MAD1L1: variants seen among roughly 807,000 people sequenced by gnomAD.
The protein encoded by MAD1L1 is mitotic spindle assembly checkpoint protein MAD1.
In MAD1L1, 95 loss-of-function variants were observed where a neutral mutation model predicts 96.9. The observed-to-expected ratio is 0.98, with a 90% confidence interval of 0.83 to 1.16. The LOEUF (loss-of-function observed/expected upper bound fraction) is 1.16, where lower values mean the gene tolerates loss of function less well. MAD1L1 is among the 50% of genes most tolerant of loss of function. The pLI is 0.00. For synonymous variants in MAD1L1, 473 were observed against 396.6 expected, an observed-to-expected ratio of 1.19 and a Z score of -2.29; for missense variants, 1,007 against 954.4, an observed-to-expected ratio of 1.06 and a Z score of -0.73.
chr7:1,907,039 C>T (rs899416363), intron 17 of MAD1L1, among the ~76,000 whole-genome samples: 1 of 152,164 alleles, frequency 6.6e-6, no homozygotes, highest in Admixed American at 6.5e-5. Context: ...AGCCCCCAAC[C>T]CCATCCCTGC....
At chr7:2,095,951 G>C (rs1357941737) in intron 11 of MAD1L1, among the ~76,000 whole-genome samples, 1 of 152,252 alleles carries the variant, frequency 6.6e-6, no homozygotes, top group African/African-American at 2.4e-5. Context: ...AGGAGAGCGC[G>C]GGTCCGCGGG....
intron 10 of MAD1L1, among the ~76,000 whole-genome samples, chr7:2,163,743 G>A (rs1790279824): frequency 6.6e-6 from 1 of 152,120 alleles, no homozygotes; most frequent in Non-Finnish European, 1.5e-5. Flanking sequence ...ACTCTCCTAG[G>A]CAAGCCTGGG....
intron 15 of MAD1L1, among the ~76,000 whole-genome samples, chr7:1,978,114 A>G (rs746740085): frequency 6.6e-6 from 1 of 152,152 alleles, no homozygotes; most frequent in African/African-American, 2.4e-5. Context: ...CTCCATGATG[A>G]CAAGGTGTGG....
chr7:1,942,099 C>T (rs151173857), intron 16 of MAD1L1, among the ~76,000 whole-genome samples: 8 of 152,296 alleles, frequency 5.3e-5, no homozygotes, highest in Admixed American at 5.2e-4. Flanking sequence ...TTCCCTTAGT[C>T]CATCCACCCG....
rs188183852 is a variant in MAD1L1, at chr7:2,060,279, A to C, written c.1218+8915T>G. 9.7e-4 allele frequency among the ~76,000 whole-genome samples: 92 copies of C among 95,136 alleles called. No homozygotes were observed. In the East Asian group the frequency reaches 0.02, roughly 20 times the overall value. The allele number at this position is 95,136 out of a possible 152,430, so 62.4% of individuals were successfully genotyped here. ...GATGCCGAGATACGCCGATGCCGAGATACGCCGATCCCGAGATACGCCGAT... is the reference window on the plus strand; with the variant it reads ...GATGCCGAGATACGCCGATGCCGAGCTACGCCGATCCCGAGATACGCCGAT... On this transcript the variant is annotated intron_variant, in intron 12 of 18. Transcript: ENST00000265854.
chr7:1,952,695 C>A (rs968750628), intron 16 of MAD1L1, among the ~76,000 whole-genome samples: 14 of 152,200 alleles, frequency 9.2e-5, no homozygotes, highest in Non-Finnish European at 2.1e-4. Context: ...AAAAGTCCAA[C>A]CCCCTTGCCT....
At chr7:1,959,387 A>T (rs946869551) in intron 15 of MAD1L1, among the ~76,000 whole-genome samples, 1 of 152,226 alleles carries the variant, frequency 6.6e-6, no homozygotes, top group Non-Finnish European at 1.5e-5. Flanking sequence ...AGGCAGAGGA[A>T]GCGACGGGAC....
At chr7:1,942,012 C>T (rs1779024374) in intron 16 of MAD1L1, among the ~76,000 whole-genome samples, 2 of 152,196 alleles carry the variant, frequency 1.3e-5, no homozygotes. Flanking sequence ...GGGCACCACC[C>T]ACCCGCTCAC....
In MAD1L1 at chr7:2,215,746, A is replaced by G. The variant is rs546685838; in HGVS notation, c.924+139T>C. 9.6e-5 allele frequency: 71 copies of G among 741,502 alleles called. No homozygotes were observed. The Middle Eastern group carries it at 2.0e-3, about 21-fold the overall frequency. The allele number at this position is 741,502 out of a possible 1,614,324, so 45.9% of individuals were successfully genotyped here. ...GGATGAGGCATGGACCTCTCTGGGGACCACGATTCTGCCTCCCACCCCATC... is the reference window on the plus strand; with the variant it reads ...GGATGAGGCATGGACCTCTCTGGGGGCCACGATTCTGCCTCCCACCCCATC... On this transcript the variant is annotated intron_variant, in intron 9 of 18. Transcript: ENST00000265854.
At chr7:2,070,355 G>A (rs543595360) in intron 11 of MAD1L1, among the ~76,000 whole-genome samples, 13 of 152,146 alleles carry the variant, frequency 8.5e-5, no homozygotes, top group Non-Finnish European at 1.8e-4. Flanking sequence ...CTGTCCCAGG[G>A]AGAGGGTGAG....
chr7:2,074,652 C>A (rs556152034), intron 11 of MAD1L1, among the ~76,000 whole-genome samples: 4 of 152,368 alleles, frequency 2.6e-5, no homozygotes, highest in African/African-American at 9.6e-5. Flanking sequence ...TCTCCAGCGC[C>A]CCCAGGACAG....
In MAD1L1 at chr7:2,103,679, CACGAGGAGGAGCCAGGGAGGCGGCT is replaced by C; in HGVS notation, c.1074-34366_1074-34342del. Among the ~76,000 whole-genome samples the C allele has an allele frequency of 6.6e-6, 1 of 152,260 alleles. No homozygotes were observed. The highest frequency in any genetic ancestry group is 2.1e-4 in the South Asian group (1 of 4,816). ...CCACAGGGGAGAAGGAGGGAGCGGCCACGAGGAGGAGCCAGGGAGGCGGCTACTCAGAGGGCAGGTGCTGTCCTCC... is the reference window on the plus strand; with the variant it reads ...CCACAGGGGAGAAGGAGGGAGCGGCCACTCAGAGGGCAGGTGCTGTCCTCC... On this transcript the variant is annotated intron_variant, in intron 11 of 18. Transcript: ENST00000265854. This position sits in a 1 kb window ranked among gnomAD's most constrained non-coding sequence, Gnocchi z 4.3.
intron 17 of MAD1L1, among the ~76,000 whole-genome samples, chr7:1,922,054 C>T (rs181232528): frequency 1.7e-3 from 259 of 152,326 alleles, no homozygotes; most frequent in African/African-American, 5.9e-3. Context: ...ACCAATCAGC[C>T]CTGTCTCTCC....
At chr7:2,227,393 TG>T (rs1294991017) in intron 3 of MAD1L1, among the ~76,000 whole-genome samples, 29 of 152,306 alleles carry the variant, frequency 1.9e-4, no homozygotes, top group Admixed American at 1.2e-3. Context: ...TGGTTCCCAG[TG>T]GGGTCCAGTT....
chr7:2,169,512 T>C (rs1205714993), intron 10 of MAD1L1, among the ~76,000 whole-genome samples: 1 of 152,184 alleles, frequency 6.6e-6, no homozygotes, highest in African/African-American at 2.4e-5. Context: ...AAAAAAGGCA[T>C]AAAGAGCTGT....
chr7:2,152,727 A>C (rs1203021706), intron 10 of MAD1L1, among the ~76,000 whole-genome samples: 2 of 152,074 alleles, frequency 1.3e-5, no homozygotes, highest in Admixed American at 6.5e-5. Flanking sequence ...CCAAAACCCT[A>C]CGGCACAGGT....
rs368445336 is a variant in MAD1L1 at position 2,084,457 on chromosome 7, C to G, written c.1074-15119G>C. ...GATGCCAGAGAAGGCCCTGCGCCCA[C>G]GCAGACGTGCCGGGGACGAGGGAGC... On this transcript the variant is annotated intron_variant, in intron 11 of 18. Coordinates refer to ENST00000265854, the MANE Select transcript of MAD1L1 (RefSeq NM_001013836.2). Among the ~76,000 whole-genome samples, 4 of 152,356 alleles carry G rather than the reference C, an allele frequency of 2.6e-5. No homozygotes were observed. In the East Asian group the frequency reaches 7.7e-4, roughly 29 times the overall value.
At chr7:2,145,186 C>A (rs1423366230) in intron 11 of MAD1L1, among the ~76,000 whole-genome samples, 1 of 152,212 alleles carries the variant, frequency 6.6e-6, no homozygotes, top group African/African-American at 2.4e-5. Context: ...AGAGCTGCTG[C>A]ACCAGGCACG....
intron 14 of MAD1L1, among the ~76,000 whole-genome samples, chr7:1,992,957 G>A (rs547977269): frequency 1.3e-5 from 2 of 152,350 alleles, no homozygotes; most frequent in African/African-American, 4.8e-5. Context: ...GACACGACAA[G>A]TTTAAATCAC....
Sources: allele counts gnomAD v4.1 joint callset (sites outside exome capture counted in the v4.1 genomes callset), GRCh38; gene constraint gnomAD v4.1.1; non-coding constraint Gnocchi (gnomAD v3.1); transcripts MANE v1.5; gene names NCBI Gene and HGNC (gene_info 2026-07-23, HGNC 2026-07-21).